Variants in RBM33 observed in about 807,000 individuals in gnomAD.
The protein encoded by RBM33 is RNA-binding protein 33.
RBM33 carries 28 observed loss-of-function variants against 132.6 expected under a neutral mutation model. The observed-to-expected ratio is 0.21, with a 90% CI of 0.16 to 0.29. The LOEUF is 0.29. Ranked by LOEUF, RBM33 falls within the 10% of genes least tolerant of loss-of-function variation. RBM33 has a pLI of 1.00. For synonymous variants in RBM33, 634 were observed against 593.0 expected (o/e 1.07, Z -1.01); for missense variants, 1,291 against 1,518.5 (o/e 0.85, Z 2.49).
rs187909621 is a variant in RBM33 at position 155,730,568 on chromosome 7, A to G, written c.1261-6962A>G. ...CCCAGACAGATTCAGTCATGAGCTC[A>G]AGGCTGTAGCTGGTAAGTGGCTGGG... On this transcript the variant is annotated intron_variant, in intron 9 of 17. Transcript: ENST00000401878. Among the ~76,000 whole-genome samples the G allele has an allele frequency of 2.4e-4, 36 of 152,318 alleles. No homozygotes were observed. In the East Asian group the frequency reaches 5.8e-3, roughly 24 times the overall value.
chr7:155,760,787 C>G (rs560540199), intron 14 of RBM33, among the ~76,000 whole-genome samples: 150 of 152,232 alleles, frequency 9.9e-4, no homozygotes, highest in African/African-American at 3.6e-3. Context: ...AGTATAGGCC[C>G]TCCCTGCCTG....
rs547425124 is a variant in RBM33, at chr7:155,664,007, A to AT, written c.44-1163dup. Among the ~76,000 whole-genome samples, 217 of 152,304 alleles carry AT rather than the reference A, an allele frequency of 1.4e-3. 4 individuals carry two copies. The highest frequency in any genetic ancestry group is 5.0e-3 in the African/African-American group (207 of 41,566). On this transcript the variant is annotated intron_variant, in intron 1 of 17. Transcript: ENST00000401878. ...AATTTATGAAGTAGATAATAGCTTCATTTTTACAGAAAAAGAAACAGGCCT... is the reference window on the plus strand; with the variant it reads ...AATTTATGAAGTAGATAATAGCTTCATTTTTTACAGAAAAAGAAACAGGCCT...
chr7:155,752,612 G>A (rs1801718314), intron 14 of RBM33, among the ~76,000 whole-genome samples: 1 of 152,210 alleles, frequency 6.6e-6, no homozygotes, highest in East Asian at 1.9e-4. Flanking sequence ...TGAGCACTGA[G>A]TTGAGAGCTG....
chr7:155,705,945 A>G (rs1315576072), intron 6 of RBM33, among the ~76,000 whole-genome samples: 1 of 152,174 alleles, frequency 6.6e-6, no homozygotes, highest in Non-Finnish European at 1.5e-5. Context: ...TTCACAGTAA[A>G]GTTTTAAGAA....
intron 5 of RBM33, among the ~76,000 whole-genome samples, chr7:155,682,145 T>C (rs1799354304): frequency 6.6e-6 from 1 of 152,192 alleles, no homozygotes; most frequent in South Asian, 2.1e-4. Context: ...GATCTCGAAC[T>C]CTTGACCTCA....
chr7:155,694,745 G>A (rs1232639753), intron 5 of RBM33, among the ~76,000 whole-genome samples: 1 of 152,172 alleles, frequency 6.6e-6, no homozygotes, highest in Non-Finnish European at 1.5e-5. Flanking sequence ...CCAAGTAGTT[G>A]TGTGTATTAA....
chr7:155,690,611 G>T (rs181875658), intron 5 of RBM33, among the ~76,000 whole-genome samples: 8,694 of 152,224 alleles, frequency 0.057, 247 homozygotes, highest in African/African-American at 0.079. Flanking sequence ...GGTACCGGTT[G>T]TTCCTTTCCA....
chr7:155,774,791 A>T lies in RBM33; in HGVS notation c.3464+144A>T. On this transcript the variant is annotated intron_variant, in intron 17 of 17. Coordinates refer to ENST00000401878, the MANE Select transcript of RBM33 (RefSeq NM_053043.3). This position sits in a 1 kb window ranked among gnomAD's most constrained non-coding sequence, Gnocchi z 4.2. Reference sequence around the variant, plus strand: ...ACTAGGGCACAAAGCGCAGACGGTGATCCTGTCATGAGGCGCGCGTCCTTT... The same window carrying T: ...ACTAGGGCACAAAGCGCAGACGGTGTTCCTGTCATGAGGCGCGCGTCCTTT... 1.2e-6 allele frequency: 1 copy of T among 822,288 alleles called. No individual in the cohort carries two copies. 50.9% of individuals were successfully genotyped at this position (822,288 alleles called of 1,614,324 possible). A position where few individuals can be genotyped will look rare whatever the true frequency, so the allele number is the denominator to read the frequency against.
At chr7:155,728,911 G>A (rs919072734) in intron 9 of RBM33, among the ~76,000 whole-genome samples, 22 of 152,198 alleles carry the variant, frequency 1.4e-4, no homozygotes, top group African/African-American at 4.3e-4. Context: ...AGATTTCTGT[G>A]AGCATAATAC....
intron 5 of RBM33, among the ~76,000 whole-genome samples, chr7:155,691,194 T>G (rs899050540): frequency 6.6e-5 from 10 of 152,222 alleles, no homozygotes; most frequent in African/African-American, 2.4e-4. Context: ...TCTAAACTTC[T>G]CTTCTGGCTT....
intron 5 of RBM33, among the ~76,000 whole-genome samples, chr7:155,683,685 A>C (rs368583583): frequency 1.3e-5 from 2 of 152,188 alleles, no homozygotes; most frequent in Non-Finnish European, 2.9e-5. Flanking sequence ...TTGTGATTTC[A>C]TTTGAAAATG....
At chr7:155,681,159 A>G (rs1799327798) in intron 5 of RBM33, among the ~76,000 whole-genome samples, 1 of 152,266 alleles carries the variant, frequency 6.6e-6, no homozygotes, top group Non-Finnish European at 1.5e-5. Flanking sequence ...ACCCTAAGGA[A>G]GAAAACAGCT....
chr7:155,725,203 G>GTTTTTTTTTT (rs59050644), intron 9 of RBM33, among the ~76,000 whole-genome samples: 3 of 105,178 alleles, frequency 2.9e-5, no homozygotes, highest in Non-Finnish European at 6.1e-5. Context: ...TTTTTTAGTT[G>GTTTTTTTTTT]TTTTTTTTTT....
At chr7:155,698,279 A>G (rs1799856164) in intron 5 of RBM33, among the ~76,000 whole-genome samples, 1 of 152,128 alleles carries the variant, frequency 6.6e-6, no homozygotes, top group Admixed American at 6.5e-5. Flanking sequence ...AAGCAGGAGA[A>G]TTGCTTGAAC....
chr7:155,726,807 A>G (rs1483420697), intron 9 of RBM33, among the ~76,000 whole-genome samples: 1 of 152,234 alleles, frequency 6.6e-6, no homozygotes, highest in Non-Finnish European at 1.5e-5. Flanking sequence ...TGTCTTGCAG[A>G]AGCAATGCAC....
At chr7:155,701,686 A>AT (rs1799967983) in intron 6 of RBM33, among the ~76,000 whole-genome samples, 2 of 151,830 alleles carry the variant, frequency 1.3e-5, no homozygotes, top group South Asian at 2.1e-4. Flanking sequence ...AAAAAGTTGT[A>AT]TTTTTTTTGT....
intron 1 of RBM33, among the ~76,000 whole-genome samples, chr7:155,656,376 G>GA (rs1025672442): frequency 9.3e-4 from 16 of 17,146 alleles, no homozygotes; most frequent in Non-Finnish European, 2.0e-3. Context: ...TAACATAACA[G>GA]GTATGAAATA....
intron 5 of RBM33, among the ~76,000 whole-genome samples, chr7:155,693,559 A>G (rs1258801277): frequency 6.6e-6 from 1 of 151,774 alleles, no homozygotes; most frequent in East Asian, 1.9e-4. Context: ...GTATTCGTAT[A>G]TTTACTTTTT....
At chr7:155,682,396 C>T (rs1057083983) in intron 5 of RBM33, among the ~76,000 whole-genome samples, 1 of 152,184 alleles carries the variant, frequency 6.6e-6, no homozygotes, top group African/African-American at 2.4e-5. Context: ...AATGTAGGCA[C>T]GTGCCTTCTG....
Sources: gnomAD v4.1 joint callset for allele counts (sites outside exome capture counted in the v4.1 genomes callset) on GRCh38, gnomAD v4.1.1 for gene constraint, Gnocchi (gnomAD v3.1) non-coding constraint, MANE v1.5 for transcripts, NCBI Gene and HGNC (gene_info 2026-07-23, HGNC 2026-07-21) for gene names.